The following TMEM266 variants were observed in gnomAD, a reference collection of about 807,000 sequenced individuals.
The protein encoded by TMEM266 is Hv1 related protein 1.
Under a neutral mutation model 50.5 loss-of-function variants are expected in TMEM266, and 33 were observed. The observed-to-expected ratio is 0.65, with a 90% CI of 0.50 to 0.87. TMEM266 has a LOEUF of 0.87. Among genes scored for constraint, TMEM266 ranks in the 40% least tolerant of loss-of-function variants. TMEM266 has a pLI of 0.00. For synonymous variants in TMEM266, 310 were observed against 292.3 expected, an observed-to-expected ratio of 1.06 and a Z score of -0.62; for missense variants, 655 against 695.1, an observed-to-expected ratio of 0.94 and a Z score of 0.65.
chr15:76,078,851 A>G (rs2036642860), intron 1 of TMEM266, among the ~76,000 whole-genome samples: 1 of 152,254 alleles, frequency 6.6e-6, no homozygotes, highest in Admixed American at 6.5e-5. Context: ...ACAGAAGTCC[A>G]ATATCAAGGT....
intron 9 of TMEM266, among the ~76,000 whole-genome samples, chr15:76,201,054 A>G (rs181749062): frequency 2.7e-4 from 41 of 151,920 alleles, no homozygotes; most frequent in African/African-American, 8.7e-4. Flanking sequence ...GGGGGTGCAG[A>G]CTCGGACTCT....
intron 1 of TMEM266, among the ~76,000 whole-genome samples, chr15:76,100,173 C>T (rs1395737154): frequency 1.3e-5 from 2 of 152,114 alleles, no homozygotes; most frequent in Non-Finnish European, 2.9e-5. Flanking sequence ...CCCAAGTTGA[C>T]GTAGTAAGAC....
chr15:76,129,590 A>G (rs1447966001), intron 1 of TMEM266, among the ~76,000 whole-genome samples: 1 of 152,130 alleles, frequency 6.6e-6, no homozygotes, highest in African/African-American at 2.4e-5. Flanking sequence ...GCAGTGAGCC[A>G]AGAATCACAC....
intron 10 of TMEM266, 86 bp from the exon 11 acceptor site, chr15:76,203,655 C>A: frequency 1.5e-6 from 2 of 1,307,884 alleles, no homozygotes; most frequent in Non-Finnish European, 2.2e-6. Flanking sequence ...ACTCATTGCC[C>A]ACCGCCCGGC....
At chr15:76,088,560 G>A (rs964270644) in intron 1 of TMEM266, among the ~76,000 whole-genome samples, 4 of 152,172 alleles carry the variant, frequency 2.6e-5, no homozygotes, top group Admixed American at 2.6e-4. Context: ...ACTTTGGGAG[G>A]CCAGGGTGGG....
At chr15:76,080,800 G>A (rs2935990) in intron 1 of TMEM266, among the ~76,000 whole-genome samples, 7,783 of 152,112 alleles carry the variant, frequency 0.051, 636 homozygotes, top group African/African-American at 0.17. Context: ...AAGCTAGAGT[G>A]AAATGGCATG....
intron 9 of TMEM266, among the ~76,000 whole-genome samples, chr15:76,193,236 T>G: frequency 8.7e-6 from 1 of 115,106 alleles, no homozygotes; most frequent in Admixed American, 8.4e-5. Flanking sequence ...AAACGAATGG[T>G]TGCTTTTTTT....
chr15:76,108,652 G>A (rs1404854925), intron 1 of TMEM266, among the ~76,000 whole-genome samples: 1 of 152,150 alleles, frequency 6.6e-6, no homozygotes, highest in East Asian at 1.9e-4. Context: ...TTGAACTGGG[G>A]GCCTGTGCAC....
chr15:76,152,280 A>G (rs2037856070), intron 3 of TMEM266, among the ~76,000 whole-genome samples: 1 of 152,062 alleles, frequency 6.6e-6, no homozygotes, highest in South Asian at 2.1e-4. Flanking sequence ...ACCTGCACGA[A>G]CTCACTCCCA....
intron 3 of TMEM266, among the ~76,000 whole-genome samples, chr15:76,151,947 G>C (rs2037851595): frequency 6.6e-6 from 1 of 152,142 alleles, no homozygotes; most frequent in Admixed American, 6.5e-5. Context: ...GGAGGCCTGG[G>C]TCCTCCCGCA....
intron 4 of TMEM266, 138 bp downstream of exon 4, chr15:76,156,896 CTCA>C: frequency 3.4e-6 from 3 of 886,266 alleles, no homozygotes; most frequent in Non-Finnish European, 5.2e-6. Context: ...GGCCCTGGGG[CTCA>C]TGGGGATGGC....
chr15:76,122,916 C>T (rs534664931), intron 1 of TMEM266, among the ~76,000 whole-genome samples: 101 of 152,270 alleles, frequency 6.6e-4, no homozygotes, highest in African/African-American at 2.2e-3. Flanking sequence ...GGAAGAATTA[C>T]GATAATTGTC....
At chr15:76,150,328 C>T (rs1567167975) in intron 3 of TMEM266, among the ~76,000 whole-genome samples, 1 of 152,184 alleles carries the variant, frequency 6.6e-6, no homozygotes, top group Non-Finnish European at 1.5e-5. Flanking sequence ...GATCTGGCTC[C>T]TGCTACCAGG....
At chr15:76,196,623 C>T (rs1271152780) in intron 9 of TMEM266, among the ~76,000 whole-genome samples, 1 of 151,736 alleles carries the variant, frequency 6.6e-6, no homozygotes, top group East Asian at 1.9e-4. Context: ...CCACCTCATG[C>T]ACAGGACACA....
At chr15:76,177,824 C>T (rs976057024) in intron 8 of TMEM266, among the ~76,000 whole-genome samples, 43 of 152,372 alleles carry the variant, frequency 2.8e-4, no homozygotes, top group Admixed American at 1.3e-4. Context: ...GTGTGACCCT[C>T]GTCCTCACGG....
intron 1 of TMEM266, among the ~76,000 whole-genome samples, chr15:76,096,863 C>T (rs1596101828): frequency 1.3e-5 from 2 of 151,804 alleles, no homozygotes; most frequent in East Asian, 3.9e-4. Context: ...TTATGTAATG[C>T]CCTTTTTTTC....
At chr15:76,098,879 C>T (rs775623552) in intron 1 of TMEM266, among the ~76,000 whole-genome samples, 22 of 152,242 alleles carry the variant, frequency 1.4e-4, no homozygotes, top group African/African-American at 2.2e-4. Context: ...ACACTGTGAG[C>T]GTGAAACTGC....
chr15:76,062,781 A>C (rs143846749), intron 1 of TMEM266, among the ~76,000 whole-genome samples: 1 of 152,310 alleles, frequency 6.6e-6, no homozygotes, highest in African/African-American at 2.4e-5. Flanking sequence ...TTTCTGGACT[A>C]CTTTTTTTTT....
At chr15:76,148,107 C>A (rs1406174386) in intron 3 of TMEM266, among the ~76,000 whole-genome samples, 1 of 152,344 alleles carries the variant, frequency 6.6e-6, no homozygotes, top group East Asian at 1.9e-4. Context: ...GGCGGCGGAG[C>A]GCCTCCGACC....
Sources: allele counts gnomAD v4.1 joint callset (sites outside exome capture counted in the v4.1 genomes callset), GRCh38; gene constraint gnomAD v4.1.1; transcripts MANE v1.5; gene names NCBI Gene and HGNC (gene_info 2026-07-23, HGNC 2026-07-21).